Variants in HSD17B2 observed in about 807,000 individuals in gnomAD.
HSD17B2 encodes hydroxysteroid 17-beta dehydrogenase 2.
A neutral mutation model predicts 26.9 loss-of-function variants in HSD17B2; 32 were observed. That is an observed-to-expected ratio of 1.19 (90% CI 0.90 to 1.60). HSD17B2 has a LOEUF of 1.60. Among genes scored for constraint, HSD17B2 ranks in the 40% most tolerant of loss-of-function variants. The pLI is 0.00. For synonymous variants in HSD17B2, 246 were observed against 186.7 expected, an observed-to-expected ratio of 1.32 and a Z score of -2.59; for missense variants, 613 against 468.6, an observed-to-expected ratio of 1.31 and a Z score of -2.85.
intron 1 of HSD17B2, among the ~76,000 whole-genome samples, chr16:82,060,628 T>C (rs577777865): frequency 6.6e-6 from 1 of 152,252 alleles, no homozygotes; most frequent in Non-Finnish European, 1.5e-5. Flanking sequence ...ATCCTTTTAC[T>C]GATAGATAGC....
rs534702709 is a variant in HSD17B2 at position 82,096,588 on chromosome 16, T to C, written c.803-1487T>C. ...CTTAAAAAATTATACGTGTGTATGC[T>C]TATATGAGTGTATATATACTATATT... On this transcript the variant is annotated intron_variant, in intron 4 of 4. Coordinates refer to ENST00000199936, the MANE Select transcript of HSD17B2 (RefSeq NM_002153.3). 8 of 152,144 alleles carry C rather than the reference T, an allele frequency of 5.3e-5. No individual in the cohort carries two copies. In the East Asian group the frequency reaches 1.4e-3, roughly 26 times the overall value. 9.4% of individuals were successfully genotyped at this position (152,144 alleles called of 1,614,324 possible).
At chr16:82,067,699 G>A (rs1007391600) in intron 1 of HSD17B2, among the ~76,000 whole-genome samples, 2 of 152,226 alleles carry the variant, frequency 1.3e-5, no homozygotes, top group Non-Finnish European at 1.5e-5. Context: ...TGGCCCCCAT[G>A]GGCAGCCTCT....
At chr16:82,091,096 C>A in intron 4 of HSD17B2, 57 bp downstream of exon 4, 1 of 1,558,866 alleles carries the variant, frequency 6.4e-7, no homozygotes, top group South Asian at 1.1e-5. Context: ...CCCCGAAGGT[C>A]CTCTTGGTCT....
chr16:82,067,097 C>T (rs1380377769), intron 1 of HSD17B2, among the ~76,000 whole-genome samples: 1 of 152,098 alleles, frequency 6.6e-6, no homozygotes, highest in Admixed American at 6.6e-5. Context: ...AGATTTCAGG[C>T]CCCTGTTGTT....
chr16:82,073,318 G>T (rs954629352), intron 3 of HSD17B2, among the ~76,000 whole-genome samples: 1 of 151,536 alleles, frequency 6.6e-6, no homozygotes, highest in Non-Finnish European at 1.5e-5. Context: ...TCCGCCTCCC[G>T]GGTTCACGCC....
At chr16:82,065,847 T>A (rs1370794050) in intron 1 of HSD17B2, among the ~76,000 whole-genome samples, 2 of 152,212 alleles carry the variant, frequency 1.3e-5, no homozygotes, top group Non-Finnish European at 2.9e-5. Context: ...CATCTCTTGT[T>A]TTCAGTTTCC....
chr16:82,078,129 C>T (rs1218890101), intron 3 of HSD17B2, among the ~76,000 whole-genome samples: 1 of 152,012 alleles, frequency 6.6e-6, no homozygotes, highest in African/African-American at 2.4e-5. Flanking sequence ...GCAAACTAGC[C>T]ATTTGACAAA....
chr16:82,098,047 C>G (rs1431467863), intron 4 of HSD17B2, 28 bp from the exon 5 acceptor site: 1 of 1,586,710 alleles, frequency 6.3e-7, no homozygotes, highest in African/African-American at 1.3e-5. Context: ...TTCCCAGGAT[C>G]TGACTCTTCC....
intron 1 of HSD17B2, among the ~76,000 whole-genome samples, chr16:82,059,061 G>A (rs1049782210): frequency 2.0e-5 from 3 of 152,258 alleles, no homozygotes; most frequent in Admixed American, 6.5e-5. Flanking sequence ...AGATCACCTA[G>A]TTTCTTCTCT....
At chr16:82,069,048 T>G (rs1208438815) in intron 2 of HSD17B2, among the ~76,000 whole-genome samples, 1 of 152,176 alleles carries the variant, frequency 6.6e-6, no homozygotes, top group African/African-American at 2.4e-5. Context: ...TCATTAGCTA[T>G]TATTCCTGAT....
chr16:82,046,855 G>A (rs1020893113), intron 1 of HSD17B2, among the ~76,000 whole-genome samples: 2 of 152,050 alleles, frequency 1.3e-5, no homozygotes, highest in African/African-American at 4.8e-5. Flanking sequence ...ACATAACTAA[G>A]GCCAAGTGAC....
chr16:82,088,749 T>C (rs1188615398), intron 3 of HSD17B2, among the ~76,000 whole-genome samples: 2 of 152,176 alleles, frequency 1.3e-5, no homozygotes, highest in East Asian at 3.9e-4. Flanking sequence ...CCGCTGGCCA[T>C]CTGTGGCAAG....
intron 3 of HSD17B2, among the ~76,000 whole-genome samples, chr16:82,082,032 G>A (rs757652899): frequency 1.3e-5 from 2 of 152,166 alleles, no homozygotes; most frequent in Non-Finnish European, 2.9e-5. Flanking sequence ...ACTTGTAAGT[G>A]GGAGCTGAAC....
At position 82,070,151 on chromosome 16, in the gene HSD17B2, C is replaced by T. The variant is rs1386449256; in HGVS notation, c.479-791C>T. On this transcript the variant is annotated intron_variant, in intron 2 of 4. Coordinates refer to ENST00000199936, the MANE Select transcript of HSD17B2 (RefSeq NM_002153.3). ...TCAAATGTTGTTTTTTTTCCCCCTG[C>T]TGCCATTCTGCAAATCGGTTTGCTC... Among the ~76,000 whole-genome samples, 3 of 152,118 alleles carry T rather than the reference C, an allele frequency of 2.0e-5. No individual in the cohort carries two copies. The East Asian group carries it at 5.8e-4, about 29-fold the overall frequency.
At chr16:82,059,159 A>G (rs779679004) in intron 1 of HSD17B2, among the ~76,000 whole-genome samples, 1 of 152,162 alleles carries the variant, frequency 6.6e-6, no homozygotes, top group Non-Finnish European at 1.5e-5. Flanking sequence ...TATTCCTAGA[A>G]CTTTCCTATT....
chr16:82,036,010 G>A (rs147491320), intron 1 of HSD17B2, among the ~76,000 whole-genome samples: 2 of 152,186 alleles, frequency 1.3e-5, no homozygotes, highest in African/African-American at 4.8e-5. Context: ...CCCATAGATT[G>A]TTTTTTAGGC....
intron 3 of HSD17B2, among the ~76,000 whole-genome samples, chr16:82,076,629 C>A (rs1027465821): frequency 5.9e-5 from 9 of 152,182 alleles, no homozygotes; most frequent in Non-Finnish European, 1.2e-4. Flanking sequence ...GGCTGGAGTG[C>A]AGTGGCGTGA....
chr16:82,053,707 G>C (rs1211724603), intron 1 of HSD17B2, among the ~76,000 whole-genome samples: 1 of 152,148 alleles, frequency 6.6e-6, no homozygotes, highest in Non-Finnish European at 1.5e-5. Context: ...GACCTCTAAA[G>C]ATGTTCTATT....
intron 4 of HSD17B2, chr16:82,092,720 G>A (rs535537454): frequency 6.6e-6 from 1 of 152,466 alleles, no homozygotes; most frequent in South Asian, 2.1e-4. Flanking sequence ...GGGACTCCCT[G>A]GGTTGGGAGG....
Sources: gnomAD v4.1 joint callset for allele counts (sites outside exome capture counted in the v4.1 genomes callset) on GRCh38, gnomAD v4.1.1 for gene constraint, MANE v1.5 for transcripts, NCBI Gene and HGNC (gene_info 2026-07-23, HGNC 2026-07-21) for gene names.